Variants in MRPS28 observed in about 807,000 individuals in gnomAD.
MRPS28 encodes mitochondrial ribosomal protein S28, also known as small ribosomal subunit protein bS1m.
In MRPS28, 7 loss-of-function variants were observed where a neutral mutation model predicts 10.8. The ratio of observed to expected loss-of-function variants is 0.65; its 90% CI spans 0.37 to 1.22. MRPS28 has a LOEUF of 1.22. Among genes scored for constraint, MRPS28 ranks in the 50% most tolerant of loss-of-function variants. The probability of loss-of-function intolerance (pLI) is 0.02; values close to 1 mark genes in which losing one functional copy is unlikely to be tolerated. For synonymous variants in MRPS28, 121 were observed against 93.3 expected (o/e 1.30, Z -1.71); for missense variants, 265 against 232.9 (o/e 1.14, Z -0.90).
intron 2 of MRPS28, among the ~76,000 whole-genome samples, chr8:79,941,586 T>A (rs545159266): frequency 1.3e-5 from 2 of 152,326 alleles, no homozygotes; most frequent in South Asian, 2.1e-4. Flanking sequence ...CTGTCCCTAG[T>A]CCTTCTCAAT....
In MRPS28 at chr8:79,918,962, C is replaced by A. The variant is rs772288851; in HGVS notation, c.*18G>T. ...AACTGACTTCAGCAAAGGAGTCAATCCACTAAGCAAAGTTCATTTATTTTT... is the reference window on the plus strand; with the variant it reads ...AACTGACTTCAGCAAAGGAGTCAATACACTAAGCAAAGTTCATTTATTTTT... On this transcript the variant is annotated 3_prime_UTR_variant, in exon 3 of 3. Coordinates refer to ENST00000276585, the MANE Select transcript of MRPS28 (RefSeq NM_014018.3). The A allele has an allele frequency of 1.0e-5, 15 of 1,495,484 alleles. No homozygotes were observed. Among genetic ancestry groups the A allele is most frequent in the Admixed American group, 4.5e-5 (2 of 44,856 alleles). 92.6% of individuals were successfully genotyped at this position (1,495,484 alleles called of 1,614,324 possible).
At chr8:80,004,202 T>C (rs1808755318) in intron 1 of MRPS28, among the ~76,000 whole-genome samples, 1 of 152,228 alleles carries the variant, frequency 6.6e-6, no homozygotes, top group South Asian at 2.1e-4. Context: ...AGTGGGTCCC[T>C]GACCCCTGAG....
chr8:79,950,438 TTAGGA>T (rs1266480431), intron 2 of MRPS28, among the ~76,000 whole-genome samples: 9 of 152,210 alleles, frequency 5.9e-5, no homozygotes, highest in African/African-American at 2.2e-4. Context: ...TAAATATACT[TTAGGA>T]TATTAGGGTA....
rs369988022 is a variant in MRPS28 at position 79,949,438 on chromosome 8, A to C, written c.396-30290T>G. Among the ~76,000 whole-genome samples the C allele has an allele frequency of 2.3e-3, 357 of 151,990 alleles. 1 individual carries two copies. The highest frequency in any genetic ancestry group is 7.5e-3 in the African/African-American group (310 of 41,532). ...CAAAAAAAAAAAAAAACAACAACAA[A>C]AAAAAACAAAACTAATCTGCTTTTG... On this transcript the variant is annotated intron_variant, in intron 2 of 2. Coordinates refer to ENST00000276585, the MANE Select transcript of MRPS28 (RefSeq NM_014018.3).
At chr8:79,992,204 G>A (rs949839969) in intron 2 of MRPS28, among the ~76,000 whole-genome samples, 14 of 152,158 alleles carry the variant, frequency 9.2e-5, no homozygotes, top group Non-Finnish European at 2.9e-5. Flanking sequence ...ATCTAGCTAA[G>A]GCATTCCTGG....
chr8:80,018,343 T>C (rs1278002171), intron 1 of MRPS28, among the ~76,000 whole-genome samples: 1 of 149,430 alleles, frequency 6.7e-6, no homozygotes, highest in Non-Finnish European at 1.5e-5. Flanking sequence ...TGGACCTTTC[T>C]CGAAAGAAGA....
chr8:79,973,937 G>C (rs552013101), intron 2 of MRPS28, among the ~76,000 whole-genome samples: 1 of 151,972 alleles, frequency 6.6e-6, no homozygotes, highest in South Asian at 2.1e-4. Context: ...ATTTTTTAGA[G>C]ATAAGGGTCT....
chr8:79,976,999 AG>A (rs1422186688), intron 2 of MRPS28, among the ~76,000 whole-genome samples: 1 of 152,232 alleles, frequency 6.6e-6, no homozygotes, highest in East Asian at 1.9e-4. Flanking sequence ...AGAGTGAAAA[AG>A]TAGTAACAAC....
intron 2 of MRPS28, among the ~76,000 whole-genome samples, chr8:79,926,944 C>T (rs892938262): frequency 6.6e-6 from 1 of 152,148 alleles, no homozygotes; most frequent in African/African-American, 2.4e-5. Context: ...TCTGGTCTCC[C>T]GACTGTTCAA....
chr8:80,002,034 T>G (rs564062858), intron 2 of MRPS28, among the ~76,000 whole-genome samples: 76 of 152,276 alleles, frequency 5.0e-4, no homozygotes, highest in African/African-American at 1.8e-3. Flanking sequence ...GTTAAGTTTG[T>G]CAGACCCTAT....
chr8:79,982,926 A>G (rs1020869195), intron 2 of MRPS28, among the ~76,000 whole-genome samples: 6 of 142,918 alleles, frequency 4.2e-5, no homozygotes, highest in African/African-American at 1.6e-4. Context: ...TTCTCCCAGC[A>G]CACAGCTGGA....
At chr8:79,960,763 T>C (rs1048973251) in intron 2 of MRPS28, among the ~76,000 whole-genome samples, 2 of 152,154 alleles carry the variant, frequency 1.3e-5, no homozygotes, top group East Asian at 1.9e-4. Context: ...ACAATGTCTG[T>C]TGTGAATCCT....
chr8:79,988,268 A>G (rs1808252413), intron 2 of MRPS28, among the ~76,000 whole-genome samples: 1 of 104,006 alleles, frequency 9.6e-6, no homozygotes, highest in African/African-American at 3.7e-5. Flanking sequence ...TCTGGGGACT[A>G]TCGTGGGGTG....
chr8:80,018,677 C>G (rs1307516077), intron 1 of MRPS28, among the ~76,000 whole-genome samples: 2 of 152,200 alleles, frequency 1.3e-5, no homozygotes, highest in African/African-American at 2.4e-5. Flanking sequence ...AATCAGTATA[C>G]TGAAGAGACA....
chr8:80,007,335 G>C (rs1586092657), intron 1 of MRPS28, among the ~76,000 whole-genome samples: 1 of 152,138 alleles, frequency 6.6e-6, no homozygotes, highest in Non-Finnish European at 1.5e-5. Context: ...GGCAAAAACT[G>C]GAAGCATTCC....
intron 2 of MRPS28, among the ~76,000 whole-genome samples, chr8:79,923,093 C>A (rs184142602): frequency 9.0e-4 from 137 of 152,152 alleles, no homozygotes; most frequent in South Asian, 2.9e-3. Flanking sequence ...ATGATGAAGT[C>A]AGTCACATTT....
chr8:79,964,479 T>C (rs1480213176), intron 2 of MRPS28, among the ~76,000 whole-genome samples: 1 of 152,106 alleles, frequency 6.6e-6, no homozygotes, highest in Non-Finnish European at 1.5e-5. Flanking sequence ...AAATGAAATG[T>C]CATTTCCCTA....
At chr8:79,967,946 C>T (rs1807542465) in intron 2 of MRPS28, among the ~76,000 whole-genome samples, 1 of 151,954 alleles carries the variant, frequency 6.6e-6, no homozygotes, top group Non-Finnish European at 1.5e-5. Flanking sequence ...CTTGAATGTA[C>T]AGATTTAAAT....
At chr8:79,926,731 G>A (rs991672896) in intron 2 of MRPS28, among the ~76,000 whole-genome samples, 1 of 152,206 alleles carries the variant, frequency 6.6e-6, no homozygotes, top group South Asian at 2.1e-4. Flanking sequence ...AGATTACTCT[G>A]TAGTTTACAG....
Sources: gnomAD v4.1 joint callset for allele counts (sites outside exome capture counted in the v4.1 genomes callset) on GRCh38, gnomAD v4.1.1 for gene constraint, MANE v1.5 for transcripts, NCBI Gene and HGNC (gene_info 2026-07-23, HGNC 2026-07-21) for gene names.